Variants in SMYD3 observed in about 807,000 individuals in gnomAD.
The protein encoded by SMYD3 is histone-lysine N-methyltransferase SMYD3.
Under a neutral mutation model 57.7 loss-of-function variants are expected in SMYD3, and 36 were observed. The observed-to-expected ratio is 0.62, with a 90% CI of 0.48 to 0.82. SMYD3 has a LOEUF of 0.82. Among genes scored for constraint, SMYD3 ranks in the 40% least tolerant of loss-of-function variants. The probability of loss-of-function intolerance (pLI) is 0.00; values close to 1 mark genes in which losing one functional copy is unlikely to be tolerated. For synonymous variants in SMYD3, 211 were observed against 195.0 expected, an observed-to-expected ratio of 1.08 and a Z score of -0.68; for missense variants, 515 against 538.8, an observed-to-expected ratio of 0.96 and a Z score of 0.44.
chr1:245,799,895 T>TCCACCTGTCCATCTGC (rs1314455770), intron 10 of SMYD3, among the ~76,000 whole-genome samples: 2 of 152,188 alleles, frequency 1.3e-5, no homozygotes, highest in Non-Finnish European at 2.9e-5. Flanking sequence ...GGCACACCTG[T>TCCACCTGTCCATCTGC]CCACCTGTCC....
intron 7 of SMYD3, among the ~76,000 whole-genome samples, chr1:245,920,885 A>G (rs2055875499): frequency 1.3e-5 from 2 of 152,244 alleles, no homozygotes; most frequent in Non-Finnish European, 2.9e-5. Flanking sequence ...GCTTTCGGAA[A>G]GAACATATGA....
chr1:245,833,044 G>A (rs2049924919), intron 10 of SMYD3, among the ~76,000 whole-genome samples: 1 of 75,680 alleles, frequency 1.3e-5, no homozygotes. Flanking sequence ...TTTAATTACT[G>A]CCCGGAATAT....
chr1:246,170,833 ATCT>A (rs2062317125), intron 5 of SMYD3, among the ~76,000 whole-genome samples: 2 of 152,188 alleles, frequency 1.3e-5, no homozygotes, highest in African/African-American at 2.4e-5. Flanking sequence ...TTTCCAAGTA[ATCT>A]TCTACATTTC....
chr1:246,284,543 A>C (rs1017447976), intron 5 of SMYD3, among the ~76,000 whole-genome samples: 2 of 151,324 alleles, frequency 1.3e-5, no homozygotes, highest in African/African-American at 4.9e-5. Flanking sequence ...CAGCCTCCTG[A>C]GTAGCTGGGA....
intron 10 of SMYD3, among the ~76,000 whole-genome samples, chr1:245,776,142 A>G (rs2046581509): frequency 6.6e-6 from 1 of 152,240 alleles, no homozygotes; most frequent in Non-Finnish European, 1.5e-5. Flanking sequence ...TAAACAGTTC[A>G]TCTGTGACTT....
chr1:246,016,548 T>A (rs746098802), intron 5 of SMYD3, among the ~76,000 whole-genome samples: 2 of 151,378 alleles, frequency 1.3e-5, no homozygotes, highest in Non-Finnish European at 2.9e-5. Context: ...ATGCCACTGC[T>A]CTCCAGCCTG....
chr1:246,475,581 G>C (rs2068019919), intron 1 of SMYD3, among the ~76,000 whole-genome samples: 2 of 151,944 alleles, frequency 1.3e-5, no homozygotes, highest in Admixed American at 1.3e-4. Flanking sequence ...GGGAGGCAGA[G>C]GTTGCATTGA....
chr1:246,116,460 C>A (rs1192573909), intron 5 of SMYD3, among the ~76,000 whole-genome samples: 1 of 152,192 alleles, frequency 6.6e-6, no homozygotes, highest in African/African-American at 2.4e-5. Flanking sequence ...CACTGGCTCT[C>A]CTGCAGAGGA....
intron 10 of SMYD3, among the ~76,000 whole-genome samples, chr1:245,823,513 G>T (rs12030297): frequency 6.6e-6 from 1 of 152,098 alleles, no homozygotes; most frequent in Non-Finnish European, 1.5e-5. Context: ...CAAATGCATT[G>T]TTCAGGCAAA....
At position 245,751,513 on chromosome 1, in the gene SMYD3, T is replaced by A. The variant is rs2045352761; in HGVS notation, c.1186-1849A>T. Among the ~76,000 whole-genome samples, 4 of 147,670 alleles carry A rather than the reference T, an allele frequency of 2.7e-5. No individual in the cohort carries two copies. The Admixed American group carries it at 2.8e-4, about 10-fold the overall frequency. ...CAGGCAGACAGAGGGGGTCTAGATT[T>A]GCTGCTGAGAGAGAGAGAAAGAGAG... On this transcript the variant is annotated intron_variant, in intron 11 of 11. Coordinates refer to ENST00000490107, the MANE Select transcript of SMYD3 (RefSeq NM_001167740.2).
Position 246,049,896 on chromosome 1 carries a change from A to G in SMYD3, c.532-119959T>C, listed in dbSNP as rs532420496. On this transcript the variant is annotated intron_variant, in intron 5 of 11. Transcript: ENST00000490107. ...TCATTACTTACCACTTCAATAGCCC[A>G]CTAATAAACAGTGGTTTCCACCAAG... 7.2e-5 allele frequency among the ~76,000 whole-genome samples: 11 copies of G among 152,348 alleles called. No homozygotes were observed. In the East Asian group the frequency reaches 1.5e-3, roughly 21 times the overall value.
intron 2 of SMYD3, among the ~76,000 whole-genome samples, chr1:246,341,424 T>C (rs1320367763): frequency 1.3e-5 from 2 of 152,240 alleles, no homozygotes; most frequent in African/African-American, 4.8e-5. Flanking sequence ...TATATTCATG[T>C]CTGTTTTTCT....
intron 5 of SMYD3, among the ~76,000 whole-genome samples, chr1:246,141,825 A>C (rs79262560): frequency 6.6e-6 from 1 of 152,246 alleles, no homozygotes; most frequent in South Asian, 2.1e-4. Context: ...ATTGAGTTCT[A>C]TGTTCAGTGG....
At chr1:246,274,546 A>T (rs1190982189) in intron 5 of SMYD3, among the ~76,000 whole-genome samples, 1 of 152,202 alleles carries the variant, frequency 6.6e-6, no homozygotes, top group Admixed American at 6.5e-5. Context: ...ATTATTATAT[A>T]TAACTACAAC....
chr1:245,846,583 C>T (rs1327791527), intron 10 of SMYD3, among the ~76,000 whole-genome samples: 1 of 152,232 alleles, frequency 6.6e-6, no homozygotes, highest in Non-Finnish European at 1.5e-5. Flanking sequence ...GTGCAAGTTA[C>T]TAAGTCTCAG....
intron 5 of SMYD3, among the ~76,000 whole-genome samples, chr1:246,121,623 T>C (rs954725644): frequency 6.6e-6 from 1 of 152,294 alleles, no homozygotes; most frequent in East Asian, 1.9e-4. Context: ...GTGTTGATTA[T>C]CTCTCTTTCA....
At chr1:245,954,059 C>T (rs984494278) in intron 5 of SMYD3, among the ~76,000 whole-genome samples, 2 of 152,158 alleles carry the variant, frequency 1.3e-5, no homozygotes, top group Non-Finnish European at 2.9e-5. Context: ...GAAACTAACA[C>T]GAAGTGTATC....
At chr1:245,991,744 C>T (rs1342132452) in intron 5 of SMYD3, among the ~76,000 whole-genome samples, 1 of 152,264 alleles carries the variant, frequency 6.6e-6, no homozygotes, top group African/African-American at 2.4e-5. Flanking sequence ...TGTTTTACAA[C>T]TGAACCCCAG....
intron 1 of SMYD3, among the ~76,000 whole-genome samples, chr1:246,366,892 T>C (rs1031387188): frequency 7.0e-6 from 1 of 143,362 alleles, no homozygotes; most frequent in South Asian, 2.2e-4. Flanking sequence ...GATCATGTCA[T>C]TGCACTCCAG....
Sources: allele counts gnomAD v4.1 joint callset (sites outside exome capture counted in the v4.1 genomes callset), GRCh38; gene constraint gnomAD v4.1.1; transcripts MANE v1.5; gene names NCBI Gene and HGNC (gene_info 2026-07-23, HGNC 2026-07-21).